Variants in TENM4 observed in about 807,000 individuals in gnomAD.
TENM4 encodes teneurin-4.
TENM4 carries 82 observed loss-of-function variants against 243.3 expected under a neutral mutation model. The observed-to-expected ratio is 0.34, with a 90% CI of 0.28 to 0.40. The LOEUF is 0.40. Ranked by LOEUF, TENM4 falls within the 10% of genes least tolerant of loss-of-function variation. The pLI, the probability that TENM4 is intolerant of heterozygous loss-of-function variation, is 1.00. For missense variants in TENM4, 3,138 were observed against 3,673.3 expected, an observed-to-expected ratio of 0.85 and a Z score of 3.77; for synonymous variants, 1,412 against 1,456.3, an observed-to-expected ratio of 0.97 and a Z score of 0.69.
At chr11:79,379,243 A>C (rs1857953232) in intron 1 of TENM4, among the ~76,000 whole-genome samples, 1 of 152,220 alleles carries the variant, frequency 6.6e-6, no homozygotes, top group African/African-American at 2.4e-5. Flanking sequence ...GACTAGGTTG[A>C]GAACAGCACA....
At chr11:78,763,622 G>A (rs920917681) in intron 18 of TENM4, among the ~76,000 whole-genome samples, 4 of 152,172 alleles carry the variant, frequency 2.6e-5, no homozygotes, top group Admixed American at 2.0e-4. Flanking sequence ...CAAATGACCC[G>A]GAGAACGAGG....
chr11:78,945,964 C>T (rs1002306039), intron 6 of TENM4, among the ~76,000 whole-genome samples: 1 of 152,160 alleles, frequency 6.6e-6, no homozygotes, highest in Non-Finnish European at 1.5e-5. Flanking sequence ...AAGAAGCAGC[C>T]TCCATAACAT....
intron 3 of TENM4, among the ~76,000 whole-genome samples, chr11:79,185,427 A>T (rs1265144799): frequency 6.6e-6 from 1 of 152,234 alleles, no homozygotes; most frequent in East Asian, 1.9e-4. Context: ...GACTTTGAAA[A>T]GTGACAGACT....
rs532290680 is a variant in TENM4, at chr11:79,438,183, A to C, written c.-321+2326T>G. Among the ~76,000 whole-genome samples, 1 of 151,994 alleles carries C rather than the reference A, an allele frequency of 6.6e-6. No individual in the cohort carries two copies. The highest frequency in any genetic ancestry group is 1.5e-5 in the Non-Finnish European group (1 of 67,996). The stretch of plus-strand genomic sequence containing the variant: ...GCTGGGGGGAAGGGAGTTCAGGGCC[A>C]ATGTGTCCCAGACTTCAGCGTTCCC... On this transcript the variant is annotated intron_variant, in intron 1 of 33. Transcript: ENST00000278550. This position sits in a 1 kb window ranked among gnomAD's most constrained non-coding sequence, Gnocchi z 4.1.
chr11:79,052,568 C>T (rs1230698879), intron 6 of TENM4, among the ~76,000 whole-genome samples: 2 of 152,066 alleles, frequency 1.3e-5, no homozygotes. Context: ...GAGCATTACT[C>T]CTGTAATTAT....
chr11:79,106,568 G>A (rs2512079), intron 4 of TENM4, among the ~76,000 whole-genome samples: 91,733 of 152,128 alleles, frequency 0.6, 27,742 homozygotes, highest in African/African-American at 0.65. Context: ...CTTGACAGAC[G>A]TCGGTCCTCT....
intron 4 of TENM4, among the ~76,000 whole-genome samples, chr11:79,091,424 T>G (rs1860947202): frequency 6.6e-6 from 1 of 152,120 alleles, no homozygotes; most frequent in Non-Finnish European, 1.5e-5. Flanking sequence ...AAAAAATAAA[T>G]CTCTCATCCT....
chr11:79,397,731 C>T (rs942483693), intron 1 of TENM4, among the ~76,000 whole-genome samples: 1 of 152,188 alleles, frequency 6.6e-6, no homozygotes, highest in Non-Finnish European at 1.5e-5. Flanking sequence ...GGCAATGTTT[C>T]TCTTATCTCA....
intron 25 of TENM4, among the ~76,000 whole-genome samples, chr11:78,719,947 C>G (rs1859607496): frequency 2.0e-5 from 3 of 152,170 alleles, no homozygotes; most frequent in Non-Finnish European, 4.4e-5. Context: ...TGAATGCCCA[C>G]AGAAGTGTAA....
chr11:78,780,568 A>G (rs955820057), intron 16 of TENM4, among the ~76,000 whole-genome samples: 9 of 151,922 alleles, frequency 5.9e-5, no homozygotes, highest in African/African-American at 2.2e-4. Context: ...TTCCACCGTG[A>G]GGGAGTTCTC....
At chr11:78,710,590 T>C (rs371860232) in intron 26 of TENM4, among the ~76,000 whole-genome samples, 19 of 152,248 alleles carry the variant, frequency 1.2e-4, no homozygotes, top group South Asian at 4.1e-4. Context: ...ATCTTTCTCT[T>C]CCATCTGTTT....
intron 15 of TENM4, among the ~76,000 whole-genome samples, chr11:78,795,987 T>C (rs570087242): frequency 6.6e-6 from 1 of 152,252 alleles, no homozygotes; most frequent in African/African-American, 2.4e-5. Flanking sequence ...TCAGAGCTGC[T>C]TCAAGCCATG....
At chr11:78,706,097 C>T (rs1859241398) in intron 27 of TENM4, among the ~76,000 whole-genome samples, 1 of 152,162 alleles carries the variant, frequency 6.6e-6, no homozygotes, top group Non-Finnish European at 1.5e-5. Context: ...GTATTCTTAT[C>T]TATAAAATGG....
At chr11:78,824,967 G>GA (rs1018689270) in intron 12 of TENM4, among the ~76,000 whole-genome samples, 3 of 152,208 alleles carry the variant, frequency 2.0e-5, no homozygotes, top group African/African-American at 7.2e-5. Context: ...TTTGTTAACT[G>GA]AAACTCTGGT....
At chr11:78,729,005 A>C (rs1440222346) in intron 22 of TENM4, among the ~76,000 whole-genome samples, 1 of 150,928 alleles carries the variant, frequency 6.6e-6, no homozygotes, top group Non-Finnish European at 1.5e-5. Flanking sequence ...AAAAAAAATG[A>C]AAGAAACCAT....
At chr11:78,898,001 G>T (rs1173405208) in intron 7 of TENM4, among the ~76,000 whole-genome samples, 1 of 152,194 alleles carries the variant, frequency 6.6e-6, no homozygotes, top group East Asian at 1.9e-4. Flanking sequence ...AACCTGATGG[G>T]TTATTAATCA....
intron 12 of TENM4, among the ~76,000 whole-genome samples, chr11:78,842,907 C>T (rs902054828): frequency 2.0e-5 from 3 of 152,188 alleles, no homozygotes; most frequent in South Asian, 2.1e-4. Flanking sequence ...GGTGTGATGG[C>T]TCATGCCTGT....
chr11:78,842,867 G>A (rs1858293915), intron 12 of TENM4, among the ~76,000 whole-genome samples: 1 of 152,240 alleles, frequency 6.6e-6, no homozygotes, highest in African/African-American at 2.4e-5. Context: ...TATGCCTATT[G>A]TAAAGGTTTG....
At chr11:79,096,908 A>G (rs1408508408) in intron 4 of TENM4, 1 of 145,014 alleles carries the variant, frequency 6.9e-6, no homozygotes, top group African/African-American at 2.6e-5. Flanking sequence ...GTGGGCATGC[A>G]CGCACATGCG....
Sources: gnomAD v4.1 joint callset for allele counts (sites outside exome capture counted in the v4.1 genomes callset) on GRCh38, gnomAD v4.1.1 for gene constraint, Gnocchi (gnomAD v3.1) non-coding constraint, MANE v1.5 for transcripts, NCBI Gene and HGNC (gene_info 2026-07-23, HGNC 2026-07-21) for gene names.